The following DNAH9 variants were observed in gnomAD, a reference collection of about 807,000 sequenced individuals.
DNAH9 encodes the protein dynein axonemal heavy chain 9.
In DNAH9, 345 loss-of-function variants were observed where a neutral mutation model predicts 471.6. The ratio of observed to expected loss-of-function variants is 0.73; its 90% CI spans 0.67 to 0.80. DNAH9 has a LOEUF of 0.80. DNAH9 is among the 30% of genes least tolerant of loss of function. DNAH9 has a pLI of 0.00. For synonymous variants in DNAH9, 2,093 were observed against 2,123.6 expected (o/e 0.99, Z 0.40); for missense variants, 5,407 against 5,609.2 (o/e 0.96, Z 1.15).
chr17:11,946,127 G>T (rs1975112123), intron 67 of DNAH9, among the ~76,000 whole-genome samples: 3 of 149,822 alleles, frequency 2.0e-5, no homozygotes, highest in Non-Finnish European at 3.0e-5. Context: ...TTGAACCCGG[G>T]AGGTGGAGGT....
chr17:11,876,877 C>A (rs1301976493), intron 53 of DNAH9, among the ~76,000 whole-genome samples: 4 of 152,084 alleles, frequency 2.6e-5, no homozygotes, highest in Non-Finnish European at 5.9e-5. Flanking sequence ...GCGCCCACCA[C>A]CACACCCGGC....
chr17:11,630,665 G>T (rs979704086), intron 7 of DNAH9, among the ~76,000 whole-genome samples: 1 of 152,064 alleles, frequency 6.6e-6, no homozygotes, highest in Non-Finnish European at 1.5e-5. Flanking sequence ...GTATACCTAT[G>T]TAACAAACCT....
In DNAH9 at chr17:11,937,535, G is replaced by A. The variant is rs763267837; in HGVS notation, c.12660+13G>A. On this transcript the variant is annotated intron_variant, in intron 66 of 68. Coordinates refer to ENST00000262442, the MANE Select transcript of DNAH9 (RefSeq NM_001372.4). This position sits in a 1 kb window ranked among gnomAD's most constrained non-coding sequence, Gnocchi z 4.1. ...AAGAGAAGAAAAGGTGTGTGTGGTGGGGACTGCCTGAGGTCGTTCTGGGGG... is the reference window on the plus strand; with the variant it reads ...AAGAGAAGAAAAGGTGTGTGTGGTGAGGACTGCCTGAGGTCGTTCTGGGGG... 1 of 1,602,400 alleles carries A rather than the reference G, an allele frequency of 6.2e-7. No homozygotes were observed. The highest frequency in any genetic ancestry group is 8.5e-7 in the Non-Finnish European group (1 of 1,173,414).
chr17:11,901,601 CAGG>C (rs1973418996), intron 59 of DNAH9, among the ~76,000 whole-genome samples: 1 of 152,156 alleles, frequency 6.6e-6, no homozygotes, highest in Non-Finnish European at 1.5e-5. Context: ...GAGGCTGAGA[CAGG>C]AGAATTGCTT....
At chr17:11,965,429 CAAAG>C (rs1419335115) in intron 68 of DNAH9, among the ~76,000 whole-genome samples, 1 of 152,120 alleles carries the variant, frequency 6.6e-6, no homozygotes, top group Non-Finnish European at 1.5e-5. Flanking sequence ...CCATACTTGA[CAAAG>C]AATATAGACT....
At chr17:11,694,126 G>A in intron 21 of DNAH9, 128 bp downstream of exon 21, 1 of 1,291,306 alleles carries the variant, frequency 7.7e-7, no homozygotes, top group Non-Finnish European at 1.1e-6. Context: ...CTGTGTGTTT[G>A]GGTAGCATGG....
rs756554768 is a variant in DNAH9 at position 11,690,341 on chromosome 17, G to A, written c.4519G>A (p.Ala1507Thr). The change falls in exon 20 of 69, where the codon GCT (alanine) becomes ACT (threonine). Residue 1507 changes from alanine to threonine, a missense_variant. Transcript: ENST00000262442. ...GCAGAAGAAGCTGTCCACAGTGGAC[G>A]CTGTCATCTCTATCTGGTTTGAAGT... ...GWQKKLSTVD[A>T]VISIWFEVQR... is the part of the protein sequence containing the mutation. 9 of 1,614,034 alleles carry A rather than the reference G, an allele frequency of 5.6e-6. No homozygotes were observed. Among genetic ancestry groups the A allele is most frequent in the Middle Eastern group, 1.6e-4 (1 of 6,082 alleles).
At chr17:11,821,861 C>G in intron 45 of DNAH9, 59 bp from the exon 46 acceptor site, 2 of 1,561,822 alleles carry the variant, frequency 1.3e-6, no homozygotes, top group Non-Finnish European at 1.7e-6. Context: ...CTTCCCATGT[C>G]TGATTGCATC....
rs750200470 is a variant in DNAH9, at chr17:11,810,348, A to G, written c.8686A>G (p.Ile2896Val). The change falls in exon 45 of 69, where the codon ATC becomes GTC. Residue 2896 changes from isoleucine (I) to valine (V), a missense_variant. Transcript: ENST00000262442. ...GGCTGATGAGAGGTTCCTTGTGCTCATCAATGATCTTTTGGCATCTGGTAA... is the reference window on the plus strand; with the variant it reads ...GGCTGATGAGAGGTTCCTTGTGCTCGTCAATGATCTTTTGGCATCTGGTAA... ...QVADERFLVLINDLLASGEIP... is the reference protein window; with the variant it reads ...QVADERFLVLVNDLLASGEIP... 6.2e-7 allele frequency: 1 copy of G among 1,612,396 alleles called. No individual in the cohort carries two copies. Among genetic ancestry groups the G allele is most frequent in the Non-Finnish European group, 8.5e-7 (1 of 1,179,506 alleles).
rs149405126 is a variant in DNAH9 at position 11,652,857 on chromosome 17, T to C, written c.2450T>C (p.Ile817Thr). 59 of 1,613,998 alleles carry C rather than the reference T, an allele frequency of 3.7e-5. No individual in the cohort carries two copies. The African/African-American group carries it at 6.9e-4, about 19-fold the overall frequency. Reference protein sequence around the residue: ...TKDNVEEIQNIMKTWVTPIFK... With the variant: ...TKDNVEEIQNTMKTWVTPIFK... ...GACAATGTGGAAGAGATCCAAAACA[T>C]CATGAAAACATGGGTGACTCCAATA... Residue 817 changes from isoleucine (I) to threonine (T), a missense_variant, in exon 14 of 69, where the codon ATC becomes ACC. Ile to Thr is a moderately conservative substitution (Grantham distance 89). This residue lies in a region of DNAH9 where 4,636 missense variants were observed against 4,900.3 expected (regional missense o/e 0.95). Transcript: ENST00000262442.
chr17:11,760,954 A>G (rs1433985413), intron 35 of DNAH9, among the ~76,000 whole-genome samples: 1 of 152,240 alleles, frequency 6.6e-6, no homozygotes, highest in African/African-American at 2.4e-5. Flanking sequence ...ACAGTGTTGT[A>G]ATGCCAGCTT....
At chr17:11,765,561 C>T (rs1967898396) in intron 36 of DNAH9, among the ~76,000 whole-genome samples, 1 of 152,224 alleles carries the variant, frequency 6.6e-6, no homozygotes, top group South Asian at 2.1e-4. Flanking sequence ...CGCAGGCTCT[C>T]AGGAAGTGCA....
intron 24 of DNAH9, among the ~76,000 whole-genome samples, chr17:11,702,764 AC>A (rs2074623437): frequency 6.6e-6 from 1 of 152,078 alleles, no homozygotes; most frequent in Admixed American, 6.6e-5. Context: ...GGAAGGGGCC[AC>A]ATTGCAGGGG....
chr17:11,949,491 TTTTC>T (rs1270760582), intron 67 of DNAH9, among the ~76,000 whole-genome samples: 3 of 151,946 alleles, frequency 2.0e-5, no homozygotes, highest in Admixed American at 6.6e-5. Flanking sequence ...CTTTTTTTTT[TTTTC>T]TTTGAGACGG....
At position 11,619,718 on chromosome 17, in the gene DNAH9, T is replaced by C. The variant is rs199880811; in HGVS notation, c.1287T>C (p.Asp429=). 1 of 1,614,092 alleles carries C rather than the reference T, an allele frequency of 6.2e-7. No homozygotes were observed. Among genetic ancestry groups the C allele is most frequent in the East Asian group, 2.2e-5 (1 of 44,872 alleles). ...AGAACCAGGAAGTCAAGGAATGGGATTTCCAGTCTTCTTTGGTCTTTGTGC... is the reference window on the plus strand; with the variant it reads ...AGAACCAGGAAGTCAAGGAATGGGACTTCCAGTCTTCTTTGGTCTTTGTGC... ...FKENQEVKEW[D]FQSSLVFVRL... The change falls in exon 6 of 69, where the codon GAT becomes GAC. Residue 429 remains aspartate (D), a synonymous_variant. Transcript: ENST00000262442.
chr17:11,868,394 G>T (rs150031983), intron 50 of DNAH9, among the ~76,000 whole-genome samples: 2 of 152,280 alleles, frequency 1.3e-5, no homozygotes, highest in East Asian at 3.9e-4. Flanking sequence ...GTGTGTCCAT[G>T]TATCTTTGTG....
chr17:11,711,968 ATTTG>A lies in DNAH9; in HGVS notation c.5552+6785_5552+6788del, dbSNP rs370279336. On this transcript the variant is annotated intron_variant, in intron 26 of 68. Coordinates refer to ENST00000262442, the MANE Select transcript of DNAH9 (RefSeq NM_001372.4). ...TATATATTTATATATAAATATATAT[ATTTG>A]TATATATATTTATATATAAATATAT... 2.7e-4 allele frequency among the ~76,000 whole-genome samples: 2 copies of A among 7,410 alleles called. 1 individual carries two copies. Among genetic ancestry groups the A allele is most frequent in the African/African-American group, 4.3e-4 (2 of 4,676 alleles). The allele number at this position is 7,410 out of a possible 152,430, so 4.9% of individuals were successfully genotyped here. A position where few individuals can be genotyped will look rare whatever the true frequency, so the allele number is the denominator to read the frequency against.
chr17:11,742,254 T>C lies in DNAH9; in HGVS notation c.6052T>C (p.Ser2018Pro), dbSNP rs757716226. Reference protein sequence around the residue: ...LVAEGFIEAQSLARKFITLYQ... With the variant: ...LVAEGFIEAQPLARKFITLYQ... ...GGCAGAAGGATTCATTGAAGCCCAG[T>C]CATTAGCCAGAAAGTTCATCACTCT... is the stretch of plus-strand genomic sequence containing the variant. The change falls in exon 30 of 69, where the codon TCA (serine) becomes CCA (proline). Residue 2018 changes from serine to proline, a missense_variant. By Grantham distance (74) the Ser-to-Pro change is moderately conservative. This residue lies in a region of DNAH9 where 4,636 missense variants were observed against 4,900.3 expected (regional missense o/e 0.95). Transcript: ENST00000262442. The C allele has an allele frequency of 6.2e-7, 1 of 1,614,146 alleles. No homozygotes were observed. The highest frequency in any genetic ancestry group is 8.5e-7 in the Non-Finnish European group (1 of 1,179,998).
chr17:11,942,597 C>A, intron 67 of DNAH9, 112 bp downstream of exon 67: 2 of 1,198,148 alleles, frequency 1.7e-6, no homozygotes, highest in Non-Finnish European at 2.3e-6. Context: ...AGTTGTCCTG[C>A]AGCATCCTAG....
Sources: gnomAD v4.1 joint callset for allele counts (sites outside exome capture counted in the v4.1 genomes callset) on GRCh38, gnomAD v4.1.1 for gene constraint, gnomAD v4.1.1 regional missense constraint, Gnocchi (gnomAD v3.1) non-coding constraint, MANE v1.5 for transcripts, NCBI Gene and HGNC (gene_info 2026-07-23, HGNC 2026-07-21) for gene names.